The following GPR162 variants were observed in gnomAD, a reference collection of about 807,000 sequenced individuals.
GPR162 encodes probable G protein-coupled receptor 162.
Under a neutral mutation model 44.9 loss-of-function variants are expected in GPR162, and 26 were observed. The ratio of observed to expected loss-of-function variants is 0.58; its 90% CI spans 0.42 to 0.80. GPR162 has a LOEUF of 0.80. Ranked by LOEUF, GPR162 falls within the 30% of genes least tolerant of loss-of-function variation. The pLI, the probability that GPR162 is intolerant of heterozygous loss-of-function variation, is 0.00. For missense variants in GPR162, 704 were observed against 802.3 expected (o/e 0.88, Z 1.48); for synonymous variants, 363 against 335.2 (o/e 1.08, Z -0.91).
rs1197265985 is a variant in GPR162 at position 6,827,331 on chromosome 12, C to G, written c.*127C>G. The G allele has an allele frequency of 7.1e-6, 5 of 704,506 alleles. No individual in the cohort carries two copies. Among genetic ancestry groups the G allele is most frequent in the Non-Finnish European group, 1.2e-5 (5 of 426,356 alleles). The allele number at this position is 704,506 out of a possible 1,614,324, so 43.6% of individuals were successfully genotyped here. A position where few individuals can be genotyped will look rare whatever the true frequency, so the allele number is the denominator to read the frequency against. On this transcript the variant is annotated 3_prime_UTR_variant, in exon 5 of 5. Coordinates refer to ENST00000311268, the MANE Select transcript of GPR162 (RefSeq NM_019858.2). Reference sequence around the variant, plus strand: ...CGCTAGATTTGGGGCTCAGAAGGCCCTGCTCTCTCCCATCCAAGTGACCAG... The same window carrying G: ...CGCTAGATTTGGGGCTCAGAAGGCCGTGCTCTCTCCCATCCAAGTGACCAG...
At position 6,826,214 on chromosome 12, in the gene GPR162, A is replaced by G. The variant is rs782179943; in HGVS notation, c.1076A>G (p.Tyr359Cys). Reference sequence around the variant, plus strand: ...CTCCTAGATGGGGGCTGTGACGACTATGCAGAGGGCCGAGTTTGCAAAGTT... The same window carrying G: ...CTCCTAGATGGGGGCTGTGACGACTGTGCAGAGGGCCGAGTTTGCAAAGTT... ...DGDDDGGCDD[Y>C]AEGRVCKVRF... The change falls in exon 4 of 5, where the codon TAT becomes TGT. Residue 359 changes from tyrosine to cysteine, a missense_variant. By Grantham distance (194) the Tyr-to-Cys change is radical. Around this residue, in one of 6 missense-constraint regions of GPR162, gnomAD observed 404 missense variants for 314.1 expected, o/e 1.29. Coordinates refer to ENST00000311268, the MANE Select transcript of GPR162 (RefSeq NM_019858.2). 6.2e-7 allele frequency: 1 copy of G among 1,613,932 alleles called. No homozygotes were observed. Among genetic ancestry groups the G allele is most frequent in the South Asian group, 1.1e-5 (1 of 91,076 alleles).
rs1591576287 is a variant in GPR162 at position 6,827,122 on chromosome 12, T to C, written c.1685T>C (p.Leu562Pro). Residue 562 changes from leucine to proline, a missense_variant, in exon 5 of 5, where the codon CTG (leucine) becomes CCG (proline). This residue lies in a region of GPR162 where 404 missense variants were observed against 314.1 expected (regional missense o/e 1.29). Coordinates refer to ENST00000311268, the MANE Select transcript of GPR162 (RefSeq NM_019858.2). ...LGLSAGRRCS[L>P]TGGEESARAW... ...CTAAGCGCAGGGAGACGCTGCTCCCTGACGGGGGGTGAAGAAAGTGCAAGG... is the reference window on the plus strand; with the variant it reads ...CTAAGCGCAGGGAGACGCTGCTCCCCGACGGGGGGTGAAGAAAGTGCAAGG... 1 of 1,612,974 alleles carries C rather than the reference T, an allele frequency of 6.2e-7. No homozygotes were observed.
chr12:6,826,687 C>A lies in GPR162; in HGVS notation c.1250C>A (p.Thr417Lys). 2.0e-6 allele frequency: 3 copies of A among 1,532,140 alleles called. No homozygotes were observed. The highest frequency in any genetic ancestry group is 2.6e-6 in the Non-Finnish European group (3 of 1,142,930). 94.9% of individuals were successfully genotyped at this position (1,532,140 alleles called of 1,614,324 possible). A position where few individuals can be genotyped will look rare whatever the true frequency, so the allele number is the denominator to read the frequency against. Residue 417 changes from threonine to lysine, a missense_variant, in exon 5 of 5, where the codon ACA becomes AAA. Thr to Lys is a moderately conservative substitution (Grantham distance 78). Around this residue, in one of 6 missense-constraint regions of GPR162, gnomAD observed 404 missense variants for 314.1 expected, o/e 1.29. Transcript: ENST00000311268. ...TCCCGGCGTCTGTCCCATGATGAGACAAACATCTTCTCTACCCCTCGGGAA... is the reference window on the plus strand; with the variant it reads ...TCCCGGCGTCTGTCCCATGATGAGAAAAACATCTTCTCTACCCCTCGGGAA... The part of the protein sequence containing the change: ...PLSRRLSHDE[T>K]NIFSTPREPG...
rs781938786 is a variant in GPR162, at chr12:6,826,739, A to G, written c.1302A>G (p.Ser434=). The change falls in exon 5 of 5, where the codon TCA becomes TCG. Residue 434 remains serine (S), a synonymous_variant. Coordinates refer to ENST00000311268, the MANE Select transcript of GPR162 (RefSeq NM_019858.2). The part of the protein sequence containing the change: ...REPGSFLHKW[S]SSDDIRVLPA... ...CAGGCTCCTTCCTGCACAAGTGGTC[A>G]TCCTCTGATGACATCCGGGTCCTCC... is the stretch of plus-strand genomic sequence containing the variant. 21 of 1,590,580 alleles carry G rather than the reference A, an allele frequency of 1.3e-5. No individual in the cohort carries two copies. Among genetic ancestry groups the G allele is most frequent in the Admixed American group, 3.6e-5 (2 of 55,150 alleles).
At position 6,826,877 on chromosome 12, in the gene GPR162, C is replaced by T. The variant is rs368878139; in HGVS notation, c.1440C>T (p.Arg480=). The T allele has an allele frequency of 2.5e-5, 40 of 1,613,090 alleles. No homozygotes were observed. Among genetic ancestry groups the T allele is most frequent in the Admixed American group, 8.3e-5 (5 of 59,930 alleles). ...EAEGGGLASL[R]QFLESGVLGS... ...AAGGTGGGGGGCTGGCCAGCCTTCG[C>T]CAATTCTTGGAGAGTGGGGTTCTGG... The change falls in exon 5 of 5, where the codon CGC becomes CGT. Residue 480 remains arginine, a synonymous_variant. Coordinates refer to ENST00000311268, the MANE Select transcript of GPR162 (RefSeq NM_019858.2).
chr12:6,825,100 C>G, intron 2 of GPR162: 1 of 562,798 alleles, frequency 1.8e-6, no homozygotes, highest in Non-Finnish European at 3.3e-6. Context: ...CTCATCCAGC[C>G]GCTGGGCTCC....
intron 3 of GPR162, 121 bp from the exon 4 acceptor site, chr12:6,826,075 C>A: frequency 1.4e-6 from 1 of 739,024 alleles, no homozygotes; most frequent in Non-Finnish European, 2.3e-6. Context: ...CTCTCACTGT[C>A]CTCTTGGAAC....
chr12:6,824,884 C>T (rs1366435383), intron 2 of GPR162, 119 bp downstream of exon 2: 11 of 803,980 alleles, frequency 1.4e-5, no homozygotes, highest in Middle Eastern at 4.3e-4. Flanking sequence ...GTTCCATCAT[C>T]CATCTTCCTC....
rs1188014717 is a variant in GPR162, at chr12:6,823,818, G to A, written c.-81G>A. The A allele has an allele frequency of 1.2e-6, 2 of 1,603,118 alleles. No individual in the cohort carries two copies. Among genetic ancestry groups the A allele is most frequent in the Non-Finnish European group, 1.7e-6 (2 of 1,173,904 alleles). On this transcript the variant is annotated 5_prime_UTR_variant, in exon 2 of 5. Coordinates refer to ENST00000311268, the MANE Select transcript of GPR162 (RefSeq NM_019858.2). ...AGGGCGAGGATTGTGGGGATCATGG[G>A]AGTGTTTGTGAGTGGGGCTCCTGGG...
Position 6,823,813 on chromosome 12 carries a change from C to T in GPR162, c.-86C>T. 6.2e-7 allele frequency: 1 copy of T among 1,607,876 alleles called. No homozygotes were observed. The highest frequency in any genetic ancestry group is 8.5e-7 in the Non-Finnish European group (1 of 1,176,490). On this transcript the variant is annotated 5_prime_UTR_variant, in exon 2 of 5. Transcript: ENST00000311268. ...CTGACAGGGCGAGGATTGTGGGGAT[C>T]ATGGGAGTGTTTGTGAGTGGGGCTC...
intron 3 of GPR162, 84 bp downstream of exon 3, chr12:6,825,757 T>A (rs1222641576): frequency 8.6e-7 from 1 of 1,159,632 alleles, no homozygotes; most frequent in Non-Finnish European, 1.2e-6. Flanking sequence ...GAGGATGGGC[T>A]GCCCTGGAGT....
Position 6,826,860 on chromosome 12 carries a change from G to T in GPR162, c.1423G>T (p.Gly475Trp). ...EEDEEEAEGG[G>W]LASLRQFLES... Reference sequence around the variant, plus strand: ...GGACGAGGAAGAGGCTGAAGGTGGGGGGCTGGCCAGCCTTCGCCAATTCTT... The same window carrying T: ...GGACGAGGAAGAGGCTGAAGGTGGGTGGCTGGCCAGCCTTCGCCAATTCTT... Residue 475 changes from glycine to tryptophan, a missense_variant, in exon 5 of 5, where the codon GGG (glycine) becomes TGG (tryptophan). Gly to Trp is a radical substitution (Grantham distance 184). This residue lies in a region of GPR162 where 404 missense variants were observed against 314.1 expected (regional missense o/e 1.29). Transcript: ENST00000311268. 1 of 1,612,842 alleles carries T rather than the reference G, an allele frequency of 6.2e-7. No individual in the cohort carries two copies.
chr12:6,824,551 G>A lies in GPR162; in HGVS notation c.653G>A (p.Arg218Lys). The change falls in exon 2 of 5, where the codon AGA becomes AAA. Residue 218 changes from arginine to lysine, a missense_variant. This residue lies in a region of GPR162 where 56 missense variants were observed against 47.2 expected (regional missense o/e 1.19). Coordinates refer to ENST00000311268, the MANE Select transcript of GPR162 (RefSeq NM_019858.2). ...ARPRRARQAR[R>K]VGGGGGTKAG... ...CCCCGGAGGGCTCGGCAGGCCCGGA[G>A]AGTGGGGGGTGGTGGGGGGACCAAA... The A allele has an allele frequency of 1.2e-6, 2 of 1,606,642 alleles. No individual in the cohort carries two copies. The highest frequency in any genetic ancestry group is 2.7e-5 in the African/African-American group (2 of 74,880).
At position 6,824,320 on chromosome 12, in the gene GPR162, T is replaced by C; in HGVS notation, c.422T>C (p.Ile141Thr). 5 of 1,614,052 alleles carry C rather than the reference T, an allele frequency of 3.1e-6. No homozygotes were observed. The highest frequency in any genetic ancestry group is 4.2e-6 in the Non-Finnish European group (5 of 1,179,976). Reference sequence around the variant, plus strand: ...CAGGCACTGCATGCCGTCATGGGCATCTGGATGGTCAGCTTCATCCTCTCC... The same window carrying C: ...CAGGCACTGCATGCCGTCATGGGCACCTGGATGGTCAGCTTCATCCTCTCC... ...KKQALHAVMG[I>T]WMVSFILSTL... The change falls in exon 2 of 5, where the codon ATC becomes ACC. Residue 141 changes from isoleucine (I) to threonine (T), a missense_variant. Ile to Thr is a moderately conservative substitution (Grantham distance 89, BLOSUM62 -1). Coordinates refer to ENST00000311268, the MANE Select transcript of GPR162 (RefSeq NM_019858.2).
In GPR162 at chr12:6,826,648, C is replaced by T. The variant is rs1398186699; in HGVS notation, c.1216-5C>T. ...CCTTCAGGTCTTACCCGCTCCTCTT[C>T]CCAGGTCCCCCTATCCCGGCGTCTG... On this transcript the variant is annotated splice_polypyrimidine_tract_variant and splice_region_variant and intron_variant, in intron 4 of 4. Coordinates refer to ENST00000311268, the MANE Select transcript of GPR162 (RefSeq NM_019858.2). The T allele has an allele frequency of 2.0e-6, 3 of 1,518,762 alleles. No homozygotes were observed. The highest frequency in any genetic ancestry group is 2.7e-5 in the South Asian group (2 of 74,870). 94.1% of individuals were successfully genotyped at this position (1,518,762 alleles called of 1,614,324 possible). A position where few individuals can be genotyped will look rare whatever the true frequency, so the allele number is the denominator to read the frequency against.
rs782340071 is a variant in GPR162, at chr12:6,826,267, C to A, written c.1129C>A (p.Pro377Thr). 6.2e-7 allele frequency: 1 copy of A among 1,613,942 alleles called. No homozygotes were observed. The highest frequency in any genetic ancestry group is 2.2e-5 in the East Asian group (1 of 44,876). The stretch of plus-strand genomic sequence containing the variant: ...CTTTGATGCTAACGGAGCCACAGGA[C>A]CAGGGAGCCGGGACCCCGCCCAGGT... Reference protein sequence around the residue: ...VRFDANGATGPGSRDPAQVKL... With the variant: ...VRFDANGATGTGSRDPAQVKL... Residue 377 changes from proline to threonine, a missense_variant, in exon 4 of 5, where the codon CCA becomes ACA. By Grantham distance (38) the Pro-to-Thr change is conservative (BLOSUM62 -1). This residue lies in a region of GPR162 where 404 missense variants were observed against 314.1 expected (regional missense o/e 1.29). Coordinates refer to ENST00000311268, the MANE Select transcript of GPR162 (RefSeq NM_019858.2).
In GPR162 at chr12:6,822,129, G is replaced by T. The variant is rs1242133126; in HGVS notation, c.-432+229G>T. ...CAGATCCCCCTTCCCACCTTCCTCT[G>T]ATCTCTCCCTGTCCTTCACCTCCCT... On this transcript the variant is annotated intron_variant, in intron 1 of 4. Transcript: ENST00000311268. This position sits in a 1 kb window ranked among gnomAD's most constrained non-coding sequence, Gnocchi z 4.2. 1.3e-5 allele frequency among the ~76,000 whole-genome samples: 2 copies of T among 152,146 alleles called. No homozygotes were observed. Among genetic ancestry groups the T allele is most frequent in the African/African-American group, 4.8e-5 (2 of 41,428 alleles).
chr12:6,822,491 G>A lies in GPR162; in HGVS notation c.-432+591G>A, dbSNP rs146897851. Among the ~76,000 whole-genome samples the A allele has an allele frequency of 1.1e-4, 17 of 152,206 alleles. No individual in the cohort carries two copies. Among genetic ancestry groups the A allele is most frequent in the Non-Finnish European group, 2.1e-4 (14 of 68,006 alleles). Reference sequence around the variant, plus strand: ...CCCACTTACCCTAAAGCCATTATGTGCTTCCTTACAGCCCCACTCTGTTCA... The same window carrying A: ...CCCACTTACCCTAAAGCCATTATGTACTTCCTTACAGCCCCACTCTGTTCA... On this transcript the variant is annotated intron_variant, in intron 1 of 4. Transcript: ENST00000311268. The surrounding 1 kb of genome is among the most constrained non-coding windows in gnomAD (Gnocchi z 4.2).
At chr12:6,823,212 C>T (rs976829807) in intron 1 of GPR162, among the ~76,000 whole-genome samples, 3 of 152,144 alleles carry the variant, frequency 2.0e-5, no homozygotes, top group South Asian at 2.1e-4. Flanking sequence ...GGAGTTCCAG[C>T]GGGAGGAGGA....
Sources: allele counts gnomAD v4.1 joint callset (sites outside exome capture counted in the v4.1 genomes callset), GRCh38; gene constraint gnomAD v4.1.1; regional missense constraint gnomAD v4.1.1; non-coding constraint Gnocchi (gnomAD v3.1); transcripts MANE v1.5; gene names NCBI Gene and HGNC (gene_info 2026-07-23, HGNC 2026-07-21).